TMEM178B: variants seen among roughly 807,000 people sequenced by gnomAD.
TMEM178B encodes transmembrane protein 178B.
TMEM178B carries 5 observed loss-of-function variants against 31.0 expected under a neutral mutation model. The observed-to-expected ratio is 0.16, with a 90% CI of 0.08 to 0.34. TMEM178B has a LOEUF of 0.34. TMEM178B is among the 10% of genes least tolerant of loss of function. The probability of loss-of-function intolerance (pLI) is 1.00; values close to 1 mark genes in which losing one functional copy is unlikely to be tolerated. For synonymous variants in TMEM178B, 164 were observed against 164.0 expected (o/e 1.00, Z 0.00); for missense variants, 275 against 400.3 (o/e 0.69, Z 2.67).
Position 141,074,257 on chromosome 7 carries a change from G to A in TMEM178B, c.-54G>A. ...CGCCGCTTTGTTCCGGGTGCGGCGA[G>A]GGAAGGCGAGGCTGCGGCGGATCAT... On this transcript the variant is annotated 5_prime_UTR_variant, in exon 1 of 4. Coordinates refer to ENST00000565468, the MANE Select transcript of TMEM178B (RefSeq NM_001195278.2). The surrounding 1 kb of genome is among the most constrained non-coding windows in gnomAD (Gnocchi z 5.1). The A allele has an allele frequency of 1.4e-6, 2 of 1,454,362 alleles. No homozygotes were observed. Among genetic ancestry groups the A allele is most frequent in the Non-Finnish European group, 1.8e-6 (2 of 1,105,054 alleles). 90.1% of individuals were successfully genotyped at this position (1,454,362 alleles called of 1,614,324 possible). A position where few individuals can be genotyped will look rare whatever the true frequency, so the allele number is the denominator to read the frequency against.
chr7:141,294,335 C>G (rs1031911135), intron 2 of TMEM178B, among the ~76,000 whole-genome samples: 2 of 152,188 alleles, frequency 1.3e-5, no homozygotes, highest in African/African-American at 4.8e-5. Flanking sequence ...GAACGCAGCC[C>G]TTCTGAGACA....
In TMEM178B at chr7:141,088,898, T is replaced by G. The variant is rs192089295; in HGVS notation, c.382+14206T>G. Among the ~76,000 whole-genome samples the G allele has an allele frequency of 1.3e-3, 193 of 152,354 alleles. 1 individual carries two copies. The highest frequency in any genetic ancestry group is 2.5e-3 in the Non-Finnish European group (171 of 68,028). On this transcript the variant is annotated intron_variant, in intron 1 of 3. Transcript: ENST00000565468. ...CAATTCACATCATTGTTCCTTTTAA[T>G]AGTGAATCCCCCACCCTAGCCCAAT...
intron 1 of TMEM178B, among the ~76,000 whole-genome samples, chr7:141,175,292 G>A (rs781295571): frequency 6.6e-6 from 1 of 152,094 alleles, no homozygotes; most frequent in Non-Finnish European, 1.5e-5. Flanking sequence ...TATTATTTCT[G>A]AGGCCTCTGT....
chr7:141,245,639 T>C (rs886119924), intron 2 of TMEM178B, among the ~76,000 whole-genome samples: 1 of 152,228 alleles, frequency 6.6e-6, no homozygotes, highest in Non-Finnish European at 1.5e-5. Context: ...CTCATACGCT[T>C]TCACTTGTCC....
At chr7:141,454,269 C>A (rs1200272503) in intron 3 of TMEM178B, among the ~76,000 whole-genome samples, 1 of 152,180 alleles carries the variant, frequency 6.6e-6, no homozygotes, top group Non-Finnish European at 1.5e-5. Context: ...CTCACCTCGG[C>A]ATTCCATCTA....
intron 2 of TMEM178B, among the ~76,000 whole-genome samples, chr7:141,288,627 AT>A (rs1798491405): frequency 6.6e-6 from 1 of 151,896 alleles, no homozygotes; most frequent in South Asian, 2.1e-4. Context: ...CTGCCCTATC[AT>A]TTGCTCCCAC....
At chr7:141,325,823 G>A (rs1473180652) in intron 2 of TMEM178B, among the ~76,000 whole-genome samples, 2 of 150,286 alleles carry the variant, frequency 1.3e-5, no homozygotes, top group African/African-American at 2.4e-5. Flanking sequence ...ACAGCCCTGG[G>A]AAAAAAAAAA....
At chr7:141,180,752 A>G (rs765171054) in intron 1 of TMEM178B, among the ~76,000 whole-genome samples, 2 of 152,176 alleles carry the variant, frequency 1.3e-5, no homozygotes, top group Non-Finnish European at 2.9e-5. Context: ...CTCAAATTGT[A>G]TAATTATCTA....
At chr7:141,481,056 C>T (rs1047132586), downstream of TMEM178B, among the ~76,000 whole-genome samples, 2 of 152,202 alleles carry the variant, frequency 1.3e-5, no homozygotes, top group East Asian at 1.9e-4. Context: ...CAGCCAGAAT[C>T]GCATCTCATG....
chr7:141,308,415 T>G (rs181470210), intron 2 of TMEM178B, among the ~76,000 whole-genome samples: 1 of 152,186 alleles, frequency 6.6e-6, no homozygotes, highest in Non-Finnish European at 1.5e-5. Flanking sequence ...TAATTTTTTT[T>G]AGAGACAGGG....
intron 2 of TMEM178B, among the ~76,000 whole-genome samples, chr7:141,429,313 A>G (rs1357201718): frequency 4.4e-4 from 5 of 11,320 alleles, no homozygotes; most frequent in Non-Finnish European, 1.7e-3. Flanking sequence ...TGTAATACAC[A>G]CACACACACA....
In TMEM178B at chr7:141,074,581, A is replaced by G; in HGVS notation, c.271A>G (p.Met91Val). 7 of 1,535,904 alleles carry G rather than the reference A, an allele frequency of 4.6e-6. No individual in the cohort carries two copies. The highest frequency in any genetic ancestry group is 6.1e-6 in the Non-Finnish European group (7 of 1,146,748). ...RARNRRQLFA[M>V]SPADECSRQY... ...CCGGAATCGCCGGCAGCTGTTCGCC[A>G]TGAGCCCCGCGGACGAGTGCAGCCG... Residue 91 changes from methionine (M) to valine (V), a missense_variant, in exon 1 of 4, where the codon ATG becomes GTG. Met to Val is a conservative substitution (Grantham distance 21). Transcript: ENST00000565468. The surrounding 1 kb of genome is among the most constrained non-coding windows in gnomAD (Gnocchi z 5.1).
chr7:141,270,453 G>C (rs1239867557), intron 2 of TMEM178B, among the ~76,000 whole-genome samples: 1 of 152,130 alleles, frequency 6.6e-6, no homozygotes, highest in Non-Finnish European at 1.5e-5. Context: ...CTTTGGGTAG[G>C]TTCTCTCAAT....
At chr7:141,460,953 T>C (rs1802049135) in intron 3 of TMEM178B, among the ~76,000 whole-genome samples, 3 of 152,224 alleles carry the variant, frequency 2.0e-5, no homozygotes, top group South Asian at 4.1e-4. Context: ...TGAGTGCTGA[T>C]GATGCAATCG....
At chr7:141,262,384 A>G (rs1225201192) in intron 2 of TMEM178B, among the ~76,000 whole-genome samples, 3 of 151,700 alleles carry the variant, frequency 2.0e-5, no homozygotes, top group Admixed American at 1.3e-4. Context: ...GGAGGCATGC[A>G]TGTGAGTTGC....
At chr7:141,211,427 A>G (rs1366249900) in intron 1 of TMEM178B, among the ~76,000 whole-genome samples, 2 of 152,246 alleles carry the variant, frequency 1.3e-5, no homozygotes. Context: ...TTCCCTGCTG[A>G]CAGTGGGCTA....
intron 1 of TMEM178B, among the ~76,000 whole-genome samples, chr7:141,155,517 C>G (rs1586799636): frequency 1.3e-5 from 2 of 152,196 alleles, no homozygotes; most frequent in South Asian, 4.1e-4. Context: ...TGGTTCTGAG[C>G]TGTTGGCACA....
intron 2 of TMEM178B, among the ~76,000 whole-genome samples, chr7:141,357,083 A>G (rs1434007024): frequency 2.6e-5 from 4 of 152,236 alleles, no homozygotes; most frequent in Non-Finnish European, 4.4e-5. Flanking sequence ...ATATTGGTTC[A>G]GAACCACCAT....
At chr7:141,122,348 C>T (rs1340166226) in intron 1 of TMEM178B, among the ~76,000 whole-genome samples, 1 of 152,156 alleles carries the variant, frequency 6.6e-6, no homozygotes, top group Admixed American at 6.5e-5. Context: ...GCAGGCTATT[C>T]AGACACTGTA....
Sources: allele counts gnomAD v4.1 joint callset (sites outside exome capture counted in the v4.1 genomes callset), GRCh38; gene constraint gnomAD v4.1.1; non-coding constraint Gnocchi (gnomAD v3.1); transcripts MANE v1.5; gene names NCBI Gene and HGNC (gene_info 2026-07-23, HGNC 2026-07-21).